Variants in MUC17 observed in about 807,000 individuals in gnomAD.
MUC17 encodes mucin-17.
In MUC17, 190 loss-of-function variants were observed where a neutral mutation model predicts 170.3. That is an observed-to-expected ratio of 1.12 (90% CI 0.99 to 1.26). MUC17 has a LOEUF of 1.26. Ranked by LOEUF, MUC17 falls within the 50% of genes most tolerant of loss-of-function variation. The pLI, the probability that MUC17 is intolerant of heterozygous loss-of-function variation, is 0.00. For synonymous variants in MUC17, 2,325 were observed against 2,002.5 expected (o/e 1.16, Z -4.30); for missense variants, 6,415 against 5,530.0 (o/e 1.16, Z -5.08).
At chr7:101,057,315 G>A (rs759784985) in intron 12 of MUC17, among the ~76,000 whole-genome samples, 4 of 152,200 alleles carry the variant, frequency 2.6e-5, no homozygotes, top group Non-Finnish European at 5.9e-5. Context: ...AACGTCTTCA[G>A]GTGCTATGCT....
At chr7:101,047,482 A>G (rs1332335725) in intron 3 of MUC17, among the ~76,000 whole-genome samples, 2 of 152,170 alleles carry the variant, frequency 1.3e-5, no homozygotes, top group African/African-American at 4.8e-5. Context: ...CTGTGAAGTG[A>G]GGATAATAGT....
rs1480269986 is a variant in MUC17 at position 101,039,761 on chromosome 7, T to A, written c.8345T>A (p.Val2782Asp). The change falls in exon 3 of 13, where the codon GTC (valine) becomes GAC (aspartate). Residue 2782 changes from valine to aspartate, a missense_variant. Transcript: ENST00000306151. Reference protein sequence around the residue: ...STTAVDTSIPVTTSTEASSSP... With the variant: ...STTAVDTSIPDTTSTEASSSP... ...ACTGCTGTTGACACCAGCATACCTG[T>A]CACCACTTCTACTGAAGCCAGTTCC... 7.5e-6 allele frequency: 12 copies of A among 1,610,048 alleles called. No individual in the cohort carries two copies. Among genetic ancestry groups the A allele is most frequent in the Non-Finnish European group, 1.0e-5 (12 of 1,177,780 alleles).
Position 101,041,150 on chromosome 7 carries a change from C to T in MUC17, c.9734C>T (p.Thr3245Ile), listed in dbSNP as rs769410957. The T allele has an allele frequency of 6.2e-7, 1 of 1,613,564 alleles. No individual in the cohort carries two copies. The highest frequency in any genetic ancestry group is 8.5e-7 in the Non-Finnish European group (1 of 1,179,880). ...ASSEASILST[T>I]PVDSNTPLTT... ...TCTGAGGCTAGCATCCTTTCAACAACTCCTGTTGACTCCAACACTCCTTTG... is the reference window on the plus strand; with the variant it reads ...TCTGAGGCTAGCATCCTTTCAACAATTCCTGTTGACTCCAACACTCCTTTG... The change falls in exon 3 of 13, where the codon ACT (threonine) becomes ATT (isoleucine). Residue 3245 changes from threonine to isoleucine, a missense_variant. Physicochemically the swap from Thr to Ile is moderately conservative, Grantham distance 89. Coordinates refer to ENST00000306151, the MANE Select transcript of MUC17 (RefSeq NM_001040105.2).
rs753903000 is a variant in MUC17, at chr7:101,034,396, C to T, written c.2980C>T (p.Leu994=). 6.2e-7 allele frequency: 1 copy of T among 1,606,854 alleles called. No homozygotes were observed. The highest frequency in any genetic ancestry group is 2.3e-5 in the East Asian group (1 of 44,126). The change falls in exon 3 of 13, where the codon CTG becomes TTG. Residue 994 remains leucine (L), a synonymous_variant. Coordinates refer to ENST00000306151, the MANE Select transcript of MUC17 (RefSeq NM_001040105.2). Reference sequence around the variant, plus strand: ...AACAAGCACACCTGTCAGCCACACGCTGGTGGCCAATTCTGAGGCTAGCAC... The same window carrying T: ...AACAAGCACACCTGTCAGCCACACGTTGGTGGCCAATTCTGAGGCTAGCAC... ...PLTSTPVSHT[L]VANSEASTLS...
In MUC17 at chr7:101,051,967, G is replaced by A; in HGVS notation, c.13103+5G>A. Reference sequence around the variant, plus strand: ...TCTAAGTGGACCTCAGTGCCTGTGAGTGCTCCCCCATCTCCTCCAGCCCAG... The same window carrying A: ...TCTAAGTGGACCTCAGTGCCTGTGAATGCTCCCCCATCTCCTCCAGCCCAG... On this transcript the variant is annotated splice_donor_5th_base_variant and intron_variant, in intron 9 of 12. Transcript: ENST00000306151. 6.2e-7 allele frequency: 1 copy of A among 1,609,602 alleles called. No individual in the cohort carries two copies. Among genetic ancestry groups the A allele is most frequent in the Non-Finnish European group, 8.5e-7 (1 of 1,176,768 alleles).
At chr7:101,044,709 G>T (rs1206305809) in intron 3 of MUC17, among the ~76,000 whole-genome samples, 2 of 152,072 alleles carry the variant, frequency 1.3e-5, no homozygotes, top group Non-Finnish European at 2.9e-5. Flanking sequence ...ACTCTGAGTG[G>T]TTTGTTTTCT....
In MUC17 at chr7:101,037,610, C is replaced by T; in HGVS notation, c.6194C>T (p.Ser2065Leu). 2.5e-6 allele frequency: 4 copies of T among 1,613,986 alleles called. No individual in the cohort carries two copies. In the South Asian group the frequency reaches 3.3e-5, roughly 13 times the overall value. Residue 2065 changes from serine (S) to leucine (L), a missense_variant, in exon 3 of 13, where the codon TCA becomes TTA. Ser to Leu is a moderately radical substitution (Grantham distance 145). Transcript: ENST00000306151. ...GTCAGTTCTGAGGGTAACACCCTTT[C>T]AACAACTCCTGTTGACTCCAAAACT... Reference protein sequence around the residue: ...LVVSSEGNTLSTTPVDSKTQV... With the variant: ...LVVSSEGNTLLTTPVDSKTQV...
In MUC17 at chr7:101,041,744, C is replaced by T. The variant is rs1187838914; in HGVS notation, c.10328C>T (p.Ala3443Val). 13 of 1,613,844 alleles carry T rather than the reference C, an allele frequency of 8.1e-6. No individual in the cohort carries two copies. Among genetic ancestry groups the T allele is most frequent in the Middle Eastern group, 3.3e-4 (2 of 6,058 alleles). ...STEASSSPTI[A>V]EGTSLPTSTT... ...GAAGCCAGTTCATCTCCTACAATCG[C>T]TGAAGGTACCAGCTTGCCAACCTCA... The change falls in exon 3 of 13, where the codon GCT (alanine) becomes GTT (valine). Residue 3443 changes from alanine (A) to valine (V), a missense_variant. Physicochemically the swap from Ala to Val is moderately conservative, Grantham distance 64 (BLOSUM62 0). Transcript: ENST00000306151.
In MUC17 at chr7:101,032,902, G is replaced by C. The variant is rs878981871; in HGVS notation, c.1486G>C (p.Ala496Pro). 6.2e-7 allele frequency: 1 copy of C among 1,613,124 alleles called. No homozygotes were observed. Among genetic ancestry groups the C allele is most frequent in the African/African-American group, 1.3e-5 (1 of 74,534 alleles). The part of the protein sequence containing the change: ...STEASSSPPT[A>P]EVNSMPTSTP... ...TGAAGCCAGTTCATCTCCTCCAACT[G>C]CTGAAGTTAACAGCATGCCAACCTC... The change falls in exon 3 of 13, where the codon GCT becomes CCT. Residue 496 changes from alanine (A) to proline (P), a missense_variant. Coordinates refer to ENST00000306151, the MANE Select transcript of MUC17 (RefSeq NM_001040105.2).
At chr7:101,049,752 C>T (rs942634646) in intron 6 of MUC17, among the ~76,000 whole-genome samples, 5 of 152,150 alleles carry the variant, frequency 3.3e-5, no homozygotes, top group Non-Finnish European at 5.9e-5. Context: ...CTAATGACCT[C>T]ATTTTAATTT....
intron 11 of MUC17, among the ~76,000 whole-genome samples, chr7:101,055,880 T>C (rs1691641503): frequency 6.6e-6 from 1 of 152,202 alleles, no homozygotes; most frequent in South Asian, 2.1e-4. Flanking sequence ...AAATCCCGTA[T>C]CTTTGGAAAT....
rs762397393 is a variant in MUC17 at position 101,053,370 on chromosome 7, T to C, written c.13297T>C (p.Trp4433Arg). 11 of 1,614,134 alleles carry C rather than the reference T, an allele frequency of 6.8e-6. No individual in the cohort carries two copies. Among genetic ancestry groups the C allele is most frequent in the Middle Eastern group, 3.3e-4 (2 of 6,060 alleles). The change falls in exon 11 of 13, where the codon TGG (tryptophan) becomes CGG (arginine). Residue 4433 changes from tryptophan (W) to arginine (R), a missense_variant. By Grantham distance (101) the Trp-to-Arg change is moderately radical. Transcript: ENST00000306151. ...GTACAGATTGTCTCAGTTATACAAG[T>C]GGCAAGAAGAGGACAGTGGACCAGC... ...QKYRLSQLYK[W>R]QEEDSGPAPG...
intron 9 of MUC17, among the ~76,000 whole-genome samples, chr7:101,052,513 G>A (rs1794968180): frequency 6.6e-6 from 1 of 152,192 alleles, no homozygotes; most frequent in African/African-American, 2.4e-5. Flanking sequence ...GTCACAAGCT[G>A]GAAAGGGGAA....
rs747231852 is a variant in MUC17, at chr7:101,038,106, G to A, written c.6690G>A (p.Met2230Ile). The change falls in exon 3 of 13, where the codon ATG (methionine) becomes ATA (isoleucine). Residue 2230 changes from methionine to isoleucine, a missense_variant. Met to Ile is a conservative substitution (Grantham distance 10). Coordinates refer to ENST00000306151, the MANE Select transcript of MUC17 (RefSeq NM_001040105.2). ...TCACAAGTATGCCTGTCAGCACCATGCCGGTAGTTACTTCTGAGGCTAGCA... is the reference window on the plus strand; with the variant it reads ...TCACAAGTATGCCTGTCAGCACCATACCGGTAGTTACTTCTGAGGCTAGCA... ...TPFTSMPVST[M>I]PVVTSEASTL... 9 of 1,400,152 alleles carry A rather than the reference G, an allele frequency of 6.4e-6. No homozygotes were observed. Among genetic ancestry groups the A allele is most frequent in the African/African-American group, 1.5e-5 (1 of 66,650 alleles). 86.7% of individuals were successfully genotyped at this position (1,400,152 alleles called of 1,614,324 possible). A position where few individuals can be genotyped will look rare whatever the true frequency, so the allele number is the denominator to read the frequency against.
chr7:101,042,080 G>A lies in MUC17; in HGVS notation c.10664G>A (p.Ser3555Asn), dbSNP rs753070467. 2 of 1,614,048 alleles carry A rather than the reference G, an allele frequency of 1.2e-6. No individual in the cohort carries two copies. ...NTFVTSSSQA[S>N]SSPATLQVTT... ...TTTGTTACCAGTTCTAGTCAAGCCA[G>A]TTCATCTCCAGCAACTCTTCAGGTC... The change falls in exon 3 of 13, where the codon AGT (serine) becomes AAT (asparagine). Residue 3555 changes from serine to asparagine, a missense_variant. Ser to Asn is a conservative substitution (Grantham distance 46). Coordinates refer to ENST00000306151, the MANE Select transcript of MUC17 (RefSeq NM_001040105.2).
intron 12 of MUC17, among the ~76,000 whole-genome samples, chr7:101,057,722 AT>A: frequency 6.6e-6 from 1 of 152,220 alleles, no homozygotes; most frequent in East Asian, 1.9e-4. Flanking sequence ...TCTACAAAAA[AT>A]TTAAAAATTA....
chr7:101,028,606 G>A lies in MUC17; in HGVS notation c.83-2514G>A, dbSNP rs546729998. On this transcript the variant is annotated intron_variant, in intron 1 of 12. Coordinates refer to ENST00000306151, the MANE Select transcript of MUC17 (RefSeq NM_001040105.2). ...ATAGAAGCTATTTTGGACTGGATGC[G>A]GTGGCTCATACCTGTAATCCCAGCA... 8.4e-4 allele frequency among the ~76,000 whole-genome samples: 128 copies of A among 152,026 alleles called. 3 individuals are homozygous for A. In the South Asian group the frequency reaches 0.024, roughly 28 times the overall value.
chr7:101,034,817 C>G lies in MUC17; in HGVS notation c.3401C>G (p.Thr1134Ser), dbSNP rs369901080. The stretch of plus-strand genomic sequence containing the variant: ...GTCGACACCAGCATACCTGTCACCA[C>G]TTCTACTGAAGCCAGTTCATCTCCT... ...TPVDTSIPVT[T>S]STEASSSPTT... The change falls in exon 3 of 13, where the codon ACT becomes AGT. Residue 1134 changes from threonine to serine, a missense_variant. Coordinates refer to ENST00000306151, the MANE Select transcript of MUC17 (RefSeq NM_001040105.2). 44 of 1,595,790 alleles carry G rather than the reference C, an allele frequency of 2.8e-5. No individual in the cohort carries two copies. The highest frequency in any genetic ancestry group is 3.5e-5 in the Non-Finnish European group (41 of 1,172,098).
intron 5 of MUC17, 38 bp downstream of exon 5, chr7:101,049,010 T>TC (rs763406901): frequency 5.0e-6 from 8 of 1,613,514 alleles, no homozygotes; most frequent in Non-Finnish European, 5.9e-6. Context: ...GCTACTCAGT[T>TC]CCCCCCAGAG....
Sources: allele counts gnomAD v4.1 joint callset (sites outside exome capture counted in the v4.1 genomes callset), GRCh38; gene constraint gnomAD v4.1.1; transcripts MANE v1.5; gene names NCBI Gene and HGNC (gene_info 2026-07-23, HGNC 2026-07-21).